CLNK: variants seen among roughly 807,000 people sequenced by gnomAD.
The protein encoded by CLNK is cytokine-dependent hematopoietic cell linker.
In CLNK, 74 loss-of-function variants were observed where a neutral mutation model predicts 68.6. The observed-to-expected ratio is 1.08, with a 90% CI of 0.89 to 1.31. CLNK has a LOEUF of 1.31. Ranked by LOEUF, CLNK falls within the 50% of genes most tolerant of loss-of-function variation. The probability of loss-of-function intolerance (pLI) is 0.00; values close to 1 mark genes in which losing one functional copy is unlikely to be tolerated. For synonymous variants in CLNK, 198 were observed against 172.2 expected, an observed-to-expected ratio of 1.15 and a Z score of -1.17; for missense variants, 553 against 515.3, an observed-to-expected ratio of 1.07 and a Z score of -0.71.
At chr4:10,699,718 G>A in the CLNK span, among the ~76,000 whole-genome samples, 2 of 150,696 alleles carry the variant, frequency 1.3e-5, no homozygotes, top group South Asian at 4.2e-4. Flanking sequence ...TTCACCATGT[G>A]GGCCAGGCTG....
chr4:10,587,258 G>C (rs1238413270), intron 3 of CLNK, among the ~76,000 whole-genome samples: 2 of 152,180 alleles, frequency 1.3e-5, no homozygotes, highest in African/African-American at 4.8e-5. Context: ...GAGCCACTGT[G>C]CCTGGCCTCA....
At chr4:10,699,466 G>GTCTCTCTCTCTCTCTC in the CLNK span, among the ~76,000 whole-genome samples, 77 of 60,558 alleles carry the variant, frequency 1.3e-3, 1 homozygote, top group Non-Finnish European at 1.8e-3. Context: ...CATCCTCTCT[G>GTCTCTCTCTCTCTCTC]TCTCTCTCTC....
chr4:10,595,498 AT>A (rs1486800926), intron 3 of CLNK, among the ~76,000 whole-genome samples: 3 of 152,120 alleles, frequency 2.0e-5, no homozygotes, highest in African/African-American at 7.2e-5. Flanking sequence ...TGTGATCTGT[AT>A]TTTACTTGGA....
upstream of CLNK, among the ~76,000 whole-genome samples, chr4:10,688,232 G>C (rs1056623802): frequency 2.0e-5 from 3 of 152,152 alleles, no homozygotes; most frequent in African/African-American, 4.8e-5. Context: ...ATTTAATAGC[G>C]GATGTGCGGT....
chr4:10,731,228 A>G, the CLNK span, among the ~76,000 whole-genome samples: 55 of 152,332 alleles, frequency 3.6e-4, no homozygotes, highest in South Asian at 0.01. Context: ...AAATTTGCAC[A>G]ATCATTATGT....
intron 1 of CLNK, among the ~76,000 whole-genome samples, chr4:10,677,969 G>A (rs1301527312): frequency 6.6e-6 from 1 of 152,126 alleles, no homozygotes; most frequent in African/African-American, 2.4e-5. Flanking sequence ...GAACAATCCT[G>A]TCATTCTGTG....
the CLNK span, among the ~76,000 whole-genome samples, chr4:10,702,693 A>G: frequency 5.3e-5 from 8 of 152,328 alleles, no homozygotes; most frequent in East Asian, 1.9e-4. Flanking sequence ...TTTCTTGGAT[A>G]GGAGTCTGGA....
At chr4:10,567,289 G>T (rs571448449) in intron 5 of CLNK, among the ~76,000 whole-genome samples, 1 of 152,278 alleles carries the variant, frequency 6.6e-6, no homozygotes, top group South Asian at 2.1e-4. Context: ...CCTTCACACT[G>T]AGGGTTAATT....
At chr4:10,719,905 C>G in the CLNK span, among the ~76,000 whole-genome samples, 1 of 151,762 alleles carries the variant, frequency 6.6e-6, no homozygotes, top group Non-Finnish European at 1.5e-5. Context: ...ACAAAGATAC[C>G]AGAAAAATCC....
intron 2 of CLNK, among the ~76,000 whole-genome samples, chr4:10,638,192 T>A (rs1408416485): frequency 6.6e-6 from 1 of 152,166 alleles, no homozygotes; most frequent in Non-Finnish European, 1.5e-5. Context: ...CAGAGAGACA[T>A]TTCCTTACCA....
chr4:10,537,679 CTTCCTTCCTTCCTTCCTTCCTTCCTT>C (rs1560206899), intron 11 of CLNK, among the ~76,000 whole-genome samples: 3 of 46,116 alleles, frequency 6.5e-5, no homozygotes, highest in Non-Finnish European at 1.3e-4. Flanking sequence ...TTCTTTCTTT[CTTCCTTCCTTCCTTCCTTCCTTCCTT>C]CCTTTCTTTC....
intron 2 of CLNK, among the ~76,000 whole-genome samples, chr4:10,632,919 T>A (rs1421274514): frequency 6.6e-6 from 1 of 152,206 alleles, no homozygotes; most frequent in African/African-American, 2.4e-5. Context: ...AAGCATTTTA[T>A]CTTATTTTGA....
Position 10,540,489 on chromosome 4 carries a change from C to G in CLNK, c.602+5G>C. 6.2e-7 allele frequency: 1 copy of G among 1,600,406 alleles called. No individual in the cohort carries two copies. Among genetic ancestry groups the G allele is most frequent in the Non-Finnish European group, 8.6e-7 (1 of 1,167,576 alleles). On this transcript the variant is annotated splice_donor_5th_base_variant and intron_variant, in intron 11 of 18. Transcript: ENST00000226951. The stretch of plus-strand genomic sequence containing the variant: ...TCATTTCACCATTGATGATGAATCT[C>G]TCACCTGGGCATTCTCTGGACTTCT...
chr4:10,623,617 A>G (rs1483896738), intron 2 of CLNK, among the ~76,000 whole-genome samples: 4 of 152,236 alleles, frequency 2.6e-5, no homozygotes, highest in Non-Finnish European at 5.9e-5. Context: ...CGCCTGACAA[A>G]TATTTAAATG....
intron 2 of CLNK, among the ~76,000 whole-genome samples, chr4:10,667,626 A>C (rs1017561225): frequency 1.1e-4 from 16 of 152,038 alleles, no homozygotes; most frequent in African/African-American, 3.6e-4. Context: ...GTCCCTGCCC[A>C]CCACACACCC....
the CLNK span, among the ~76,000 whole-genome samples, chr4:10,732,023 A>ATG: frequency 3.3e-5 from 5 of 152,228 alleles, no homozygotes; most frequent in Non-Finnish European, 7.3e-5. Flanking sequence ...ATCAATATGA[A>ATG]TGTGGAATTG....
chr4:10,503,974 G>A (rs563758552), intron 17 of CLNK, among the ~76,000 whole-genome samples: 1 of 150,834 alleles, frequency 6.6e-6, no homozygotes, highest in Admixed American at 6.6e-5. Context: ...GTAGAGACGG[G>A]GTTTCACCAT....
intron 2 of CLNK, among the ~76,000 whole-genome samples, chr4:10,621,959 C>A (rs1211722375): frequency 6.6e-6 from 1 of 152,066 alleles, no homozygotes. Context: ...AAATGTACAC[C>A]GTTAAGTGGT....
intron 4 of CLNK, among the ~76,000 whole-genome samples, chr4:10,582,376 T>C (rs1720813979): frequency 6.6e-6 from 1 of 152,244 alleles, no homozygotes. Flanking sequence ...CTGCTTTCCT[T>C]AGAAAAACTT....
Sources: allele counts gnomAD v4.1 joint callset (sites outside exome capture counted in the v4.1 genomes callset), GRCh38; gene constraint gnomAD v4.1.1; transcripts MANE v1.5; gene names NCBI Gene and HGNC (gene_info 2026-07-23, HGNC 2026-07-21).